TSHZ3: variants seen among roughly 807,000 people sequenced by gnomAD.
The protein encoded by TSHZ3 is teashirt homolog 3.
TSHZ3 carries 10 observed loss-of-function variants against 64.5 expected under a neutral mutation model. The observed-to-expected ratio is 0.16, with a 90% CI of 0.10 to 0.26. The LOEUF (loss-of-function observed/expected upper bound fraction) is 0.26. Among genes scored for constraint, TSHZ3 ranks in the 10% least tolerant of loss-of-function variants. The pLI is 1.00. For synonymous variants in TSHZ3, 608 were observed against 593.1 expected (o/e 1.03, Z -0.36); for missense variants, 1,242 against 1,421.7 (o/e 0.87, Z 2.03).
chr19:31,343,218 A>G (rs1200170456), intron 1 of TSHZ3, among the ~76,000 whole-genome samples: 1 of 152,242 alleles, frequency 6.6e-6, no homozygotes, highest in Non-Finnish European at 1.5e-5. Flanking sequence ...GTGTCCTGAC[A>G]GTATGAATTA....
At chr19:31,330,705 T>TG (rs142243125) in intron 1 of TSHZ3, among the ~76,000 whole-genome samples, 16,680 of 92,448 alleles carry the variant, frequency 0.18, 1,894 homozygotes, top group African/African-American at 0.35. Flanking sequence ...GTTTAATCCT[T>TG]GGGCGGGGGG....
At chr19:31,294,842 A>G (rs1418229821) in intron 1 of TSHZ3, among the ~76,000 whole-genome samples, 1 of 152,192 alleles carries the variant, frequency 6.6e-6, no homozygotes, top group African/African-American at 2.4e-5. Flanking sequence ...AGAGAGACAG[A>G]AAAGAGAGAG....
intron 1 of TSHZ3, among the ~76,000 whole-genome samples, chr19:31,298,344 A>G (rs59832404): frequency 0.29 from 43,863 of 151,788 alleles, 6,794 homozygotes; most frequent in East Asian, 0.46. Context: ...CCCTCCCCAT[A>G]CAGAGCAGAG....
chr19:31,304,104 A>G (rs900709978), intron 1 of TSHZ3, among the ~76,000 whole-genome samples: 2 of 151,928 alleles, frequency 1.3e-5, no homozygotes, highest in Admixed American at 6.6e-5. Flanking sequence ...CCTCCTGAGT[A>G]GCTGGGATTA....
intron 1 of TSHZ3, among the ~76,000 whole-genome samples, chr19:31,255,155 G>A (rs1361109450): frequency 6.6e-6 from 1 of 152,188 alleles, no homozygotes; most frequent in African/African-American, 2.4e-5. Context: ...TTCCACTGTT[G>A]ATCATCAATG....
At chr19:31,160,881 T>C (rs1358425776) in intron 5 of TSHZ3, among the ~76,000 whole-genome samples, 3 of 152,150 alleles carry the variant, frequency 2.0e-5, no homozygotes, top group Middle Eastern at 3.2e-3. Context: ...CAAATGAATA[T>C]ATATATATGC....
intron 5 of TSHZ3, among the ~76,000 whole-genome samples, chr19:31,181,573 T>C (rs1454692034): frequency 1.3e-5 from 2 of 152,104 alleles, no homozygotes; most frequent in Non-Finnish European, 2.9e-5. Flanking sequence ...GCTAGACTTA[T>C]GCCAGCTACC....
At chr19:31,251,992 T>A (rs1975850048) in intron 1 of TSHZ3, among the ~76,000 whole-genome samples, 1 of 152,194 alleles carries the variant, frequency 6.6e-6, no homozygotes, top group Non-Finnish European at 1.5e-5. Context: ...GGTTTTCCTC[T>A]GTATCCCTAA....
At chr19:31,270,484 T>C (rs1976119965), downstream of TSHZ3, among the ~76,000 whole-genome samples, 1 of 152,224 alleles carries the variant, frequency 6.6e-6, no homozygotes, top group Non-Finnish European at 1.5e-5. Context: ...TTCTATTTTT[T>C]ATTTTTTGTA....
intron 5 of TSHZ3, among the ~76,000 whole-genome samples, chr19:31,199,398 G>A (rs1485198080): frequency 2.0e-4 from 12 of 59,840 alleles, no homozygotes; most frequent in Non-Finnish European, 1.2e-4. Flanking sequence ...GCGAGACTCC[G>A]CCAAAAAAAA....
At chr19:31,178,654 G>T (rs900914673) in intron 5 of TSHZ3, among the ~76,000 whole-genome samples, 1 of 152,174 alleles carries the variant, frequency 6.6e-6, no homozygotes, top group African/African-American at 2.4e-5. Context: ...ACTCCAGCCT[G>T]GGCGACAAGA....
At chr19:31,260,710 G>A in intron 1 of TSHZ3, among the ~76,000 whole-genome samples, 1 of 152,164 alleles carries the variant, frequency 6.6e-6, no homozygotes, top group East Asian at 1.9e-4. Flanking sequence ...GGACAGGAAG[G>A]GTGTGGCGCT....
At chr19:31,239,660 C>T (rs970999806) in intron 3 of TSHZ3, among the ~76,000 whole-genome samples, 1 of 152,046 alleles carries the variant, frequency 6.6e-6, no homozygotes, top group Admixed American at 6.6e-5. Context: ...TAGCTCACTA[C>T]AGCCTCGACA....
chr19:31,270,360 T>C (rs1287740596), downstream of TSHZ3, among the ~76,000 whole-genome samples: 1 of 152,256 alleles, frequency 6.6e-6, no homozygotes, highest in Non-Finnish European at 1.5e-5. Context: ...GTTGGTTTGT[T>C]TGTTTTTGAG....
At chr19:31,268,681 C>T (rs1194568441) in intron 1 of TSHZ3, among the ~76,000 whole-genome samples, 1 of 152,128 alleles carries the variant, frequency 6.6e-6, no homozygotes, top group Non-Finnish European at 1.5e-5. Context: ...GCTTGTGCCA[C>T]CCGAGAAGAA....
At chr19:31,302,086 A>C (rs1416662563) in intron 1 of TSHZ3, among the ~76,000 whole-genome samples, 1 of 152,164 alleles carries the variant, frequency 6.6e-6, no homozygotes, top group African/African-American at 2.4e-5. Flanking sequence ...CCTTACATAA[A>C]GTTTGTAAAG....
chr19:31,226,852 A>G (rs1318938463), intron 4 of TSHZ3, among the ~76,000 whole-genome samples: 1 of 151,940 alleles, frequency 6.6e-6, no homozygotes, highest in Non-Finnish European at 1.5e-5. Context: ...ATATTAGCAG[A>G]TATAGGCATC....
intron 5 of TSHZ3, among the ~76,000 whole-genome samples, chr19:31,194,889 G>A (rs1346782582): frequency 6.6e-6 from 1 of 151,968 alleles, no homozygotes; most frequent in Admixed American, 6.6e-5. Context: ...GAAATTCTAA[G>A]AAAAAAGAAA....
chr19:31,229,955 T>C (rs1304595465), intron 3 of TSHZ3, among the ~76,000 whole-genome samples: 2 of 152,178 alleles, frequency 1.3e-5, no homozygotes, highest in Admixed American at 6.5e-5. Context: ...GCTAGGATGA[T>C]CCTAAAGTGA....
Sources: gnomAD v4.1 joint callset for allele counts (sites outside exome capture counted in the v4.1 genomes callset) on GRCh38, gnomAD v4.1.1 for gene constraint, MANE v1.5 for transcripts, NCBI Gene and HGNC (gene_info 2026-07-23, HGNC 2026-07-21) for gene names.